SNTG2: variants seen among roughly 807,000 people sequenced by gnomAD.
The protein encoded by SNTG2 is gamma-2-syntrophin.
A neutral mutation model predicts 70.9 loss-of-function variants in SNTG2; 74 were observed. The observed-to-expected ratio is 1.04, with a 90% CI of 0.86 to 1.27. SNTG2 has a LOEUF of 1.27. Ranked by LOEUF, SNTG2 falls within the 50% of genes most tolerant of loss-of-function variation. The pLI is 0.00. For synonymous variants in SNTG2, 278 were observed against 273.8 expected (o/e 1.02, Z -0.15); for missense variants, 717 against 690.7 (o/e 1.04, Z -0.43).
chr2:1,010,725 T>C (rs920891508), intron 1 of SNTG2, among the ~76,000 whole-genome samples: 8 of 152,184 alleles, frequency 5.3e-5, no homozygotes, highest in Admixed American at 2.6e-4. Flanking sequence ...TACGCAGGGC[T>C]CTTCACCTTT....
chr2:1,293,586 G>T (rs989837331), intron 14 of SNTG2, among the ~76,000 whole-genome samples: 2 of 151,764 alleles, frequency 1.3e-5, no homozygotes, highest in Non-Finnish European at 2.9e-5. Flanking sequence ...AGCTTCCCTT[G>T]TGATTTCTTC....
intron 4 of SNTG2, among the ~76,000 whole-genome samples, chr2:1,126,280 C>G (rs2148300623): frequency 6.6e-6 from 1 of 152,280 alleles, no homozygotes; most frequent in African/African-American, 2.4e-5. Context: ...AAGTAATGTC[C>G]TACAGGTTCA....
intron 14 of SNTG2, among the ~76,000 whole-genome samples, chr2:1,278,530 T>C (rs1184665649): frequency 6.6e-6 from 1 of 152,240 alleles, no homozygotes; most frequent in Non-Finnish European, 1.5e-5. Context: ...AGTTCTTTTA[T>C]TTAAAAAAAT....
intron 15 of SNTG2, among the ~76,000 whole-genome samples, chr2:1,311,006 TGC>T: frequency 6.6e-6 from 1 of 152,286 alleles, no homozygotes; most frequent in Admixed American, 6.5e-5. Context: ...CTTGACAGCG[TGC>T]GTATCCCTCA....
At chr2:1,352,328 C>G (rs776083103) in intron 16 of SNTG2, among the ~76,000 whole-genome samples, 2 of 152,204 alleles carry the variant, frequency 1.3e-5, no homozygotes, top group Non-Finnish European at 2.9e-5. Flanking sequence ...ATGCCAGCCC[C>G]TCTGCCTCCT....
chr2:1,167,442 T>G (rs6742256), intron 7 of SNTG2, among the ~76,000 whole-genome samples: 6,640 of 37,350 alleles, frequency 0.18, 76 homozygotes, highest in African/African-American at 0.32. Flanking sequence ...CCCACAGACG[T>G]CAGAACTGAA....
chr2:1,008,040 A>C (rs1251943636), intron 1 of SNTG2, among the ~76,000 whole-genome samples: 2 of 152,230 alleles, frequency 1.3e-5, no homozygotes, highest in Non-Finnish European at 2.9e-5. Context: ...GGTGTGAGCC[A>C]CAACACCCGA....
intron 1 of SNTG2, among the ~76,000 whole-genome samples, chr2:1,007,992 A>T (rs1019023347): frequency 9.2e-5 from 14 of 152,234 alleles, no homozygotes; most frequent in African/African-American, 2.9e-4. Flanking sequence ...TGACATTGTG[A>T]TCCACCTGCC....
Position 1,209,140 on chromosome 2 carries a change from C to T in SNTG2, c.629C>T (p.Pro210Leu), listed in dbSNP as rs760366173. 22 of 1,613,820 alleles carry T rather than the reference C, an allele frequency of 1.4e-5. No individual in the cohort carries two copies. In the South Asian group the frequency reaches 2.0e-4, roughly 14 times the overall value. The change falls in exon 9 of 17, where the codon CCG (proline) becomes CTG (leucine). Residue 210 changes from proline (P) to leucine (L), a missense_variant. Coordinates refer to ENST00000308624, the MANE Select transcript of SNTG2 (RefSeq NM_018968.4). ...CCTTCCTCGCCCATAGCTAAGGACC[C>T]GAGGTATGAGAAGCGCTGGCTGGAC... is the stretch of plus-strand genomic sequence containing the variant. ...SSPSSPIAKD[P>L]RYEKRWLDTL...
chr2:1,000,464 C>CTTTTGTGG, intron 1 of SNTG2, among the ~76,000 whole-genome samples: 1 of 151,706 alleles, frequency 6.6e-6, no homozygotes, highest in Middle Eastern at 3.4e-3. Flanking sequence ...CACAGAAATA[C>CTTTTGTGG]AAAAGATCCT....
chr2:1,074,126 G>A (rs1296130039), intron 1 of SNTG2, among the ~76,000 whole-genome samples: 1 of 152,180 alleles, frequency 6.6e-6, no homozygotes, highest in Non-Finnish European at 1.5e-5. Flanking sequence ...AAGGACCAGG[G>A]TGAAGACACG....
chr2:1,031,271 C>T (rs1660797889), intron 1 of SNTG2, among the ~76,000 whole-genome samples: 2 of 151,860 alleles, frequency 1.3e-5, no homozygotes, highest in Non-Finnish European at 2.9e-5. Context: ...CGGTTGGAGA[C>T]AGGTCTGTCG....
At chr2:1,145,080 A>G (rs7598386) in intron 6 of SNTG2, among the ~76,000 whole-genome samples, 149,128 of 152,288 alleles carry the variant, frequency 0.98, 73,107 homozygotes, top group East Asian at 1. Context: ...AGTGATAAGA[A>G]AGAAATATAT....
At chr2:1,277,522 G>A (rs967768511) in intron 14 of SNTG2, among the ~76,000 whole-genome samples, 10 of 152,212 alleles carry the variant, frequency 6.6e-5, no homozygotes, top group Non-Finnish European at 1.5e-4. Context: ...ATAGATTACA[G>A]TATAGTGTAA....
At chr2:964,266 T>G (rs59015102) in intron 1 of SNTG2, among the ~76,000 whole-genome samples, 4 of 152,216 alleles carry the variant, frequency 2.6e-5, no homozygotes, top group Non-Finnish European at 5.9e-5. Flanking sequence ...GTGGAAAGTT[T>G]GTTGGAAGCA....
rs1045662988 is a variant in SNTG2 at position 1,037,435 on chromosome 2, A to C, written c.73-46083A>C. On this transcript the variant is annotated intron_variant, in intron 1 of 16. Coordinates refer to ENST00000308624, the MANE Select transcript of SNTG2 (RefSeq NM_018968.4). ...TTTTATTATATTCACAGAGTTGTGCAGCCTTTGGCACAATAGGTTTTAGAC... is the reference window on the plus strand; with the variant it reads ...TTTTATTATATTCACAGAGTTGTGCCGCCTTTGGCACAATAGGTTTTAGAC... 2.6e-5 allele frequency among the ~76,000 whole-genome samples: 4 copies of C among 152,288 alleles called. No individual in the cohort carries two copies. The East Asian group carries it at 7.7e-4, about 30-fold the overall frequency.
At chr2:1,274,752 T>C (rs1045806246) in intron 14 of SNTG2, among the ~76,000 whole-genome samples, 1 of 152,226 alleles carries the variant, frequency 6.6e-6, no homozygotes, top group Non-Finnish European at 1.5e-5. Flanking sequence ...CATTTGTCAC[T>C]GGTGTGGTAA....
chr2:1,130,959 T>C (rs939172830), intron 4 of SNTG2, among the ~76,000 whole-genome samples: 5 of 152,202 alleles, frequency 3.3e-5, no homozygotes, highest in African/African-American at 9.7e-5. Context: ...TTTGACTAAA[T>C]GGTAATAAAA....
At chr2:1,004,659 C>T (rs1029696892) in intron 1 of SNTG2, among the ~76,000 whole-genome samples, 26 of 152,184 alleles carry the variant, frequency 1.7e-4, no homozygotes, top group African/African-American at 6.0e-4. Flanking sequence ...GCTGACAGCA[C>T]CAGATGCTGG....
Sources: allele counts gnomAD v4.1 joint callset (sites outside exome capture counted in the v4.1 genomes callset), GRCh38; gene constraint gnomAD v4.1.1; transcripts MANE v1.5; gene names NCBI Gene and HGNC (gene_info 2026-07-23, HGNC 2026-07-21).